USP6NL: variants seen among roughly 807,000 people sequenced by gnomAD.
USP6NL encodes USP6 N-terminal-like protein.
USP6NL carries 26 observed loss-of-function variants against 61.9 expected under a neutral mutation model. That is an observed-to-expected ratio of 0.42 (90% CI 0.31 to 0.58). The LOEUF (loss-of-function observed/expected upper bound fraction) is 0.58. USP6NL is among the 20% of genes least tolerant of loss of function. The pLI is 0.16. For synonymous variants in USP6NL, 432 were observed against 390.1 expected, an observed-to-expected ratio of 1.11 and a Z score of -1.27; for missense variants, 1,114 against 1,034.3, an observed-to-expected ratio of 1.08 and a Z score of -1.06.
rs1691612214 is a variant in USP6NL at position 11,518,295 on chromosome 10, G to C, written c.195+240C>G. On this transcript the variant is annotated intron_variant, in intron 5 of 14. Coordinates refer to ENST00000609104, the MANE Select transcript of USP6NL (RefSeq NM_014688.5). This position sits in a 1 kb window ranked among gnomAD's most constrained non-coding sequence, Gnocchi z 5.3. ...GCCTCTCTGTTCTGAAGCACGCCTA[G>C]CTCAGGACCTGCCAGTCTAGAATGA... is the stretch of plus-strand genomic sequence containing the variant. Among the ~76,000 whole-genome samples, 1 of 152,186 alleles carries C rather than the reference G, an allele frequency of 6.6e-6. No homozygotes were observed. Among genetic ancestry groups the C allele is most frequent in the Non-Finnish European group, 1.5e-5 (1 of 68,038 alleles).
chr10:11,502,044 G>A (rs1011688640), intron 6 of USP6NL, among the ~76,000 whole-genome samples: 2 of 152,076 alleles, frequency 1.3e-5, no homozygotes, highest in Non-Finnish European at 2.9e-5. Flanking sequence ...AGATCACAAG[G>A]TCAGGAGATG....
At chr10:11,584,526 T>C (rs1461124921) in intron 2 of USP6NL, among the ~76,000 whole-genome samples, 2 of 152,172 alleles carry the variant, frequency 1.3e-5, no homozygotes, top group Non-Finnish European at 2.9e-5. Flanking sequence ...TCATCTTTGG[T>C]ACTTACTATT....
rs1437185787 is a variant in USP6NL at position 11,537,332 on chromosome 10, G to A, written c.5-9765C>T. The stretch of plus-strand genomic sequence containing the variant: ...TTGCCATGTTGCCCTGGCTGGTCTC[G>A]AACTCCTGGGCTGGGGCAATCCACC... On this transcript the variant is annotated intron_variant, in intron 2 of 14. Coordinates refer to ENST00000609104, the MANE Select transcript of USP6NL (RefSeq NM_014688.5). The surrounding 1 kb of genome is among the most constrained non-coding windows in gnomAD (Gnocchi z 5.1). 5.9e-5 allele frequency among the ~76,000 whole-genome samples: 9 copies of A among 152,040 alleles called. No individual in the cohort carries two copies. The highest frequency in any genetic ancestry group is 1.3e-4 in the Admixed American group (2 of 15,264).
In USP6NL at chr10:11,462,856, A is replaced by AG. The variant is rs779577065; in HGVS notation, c.2071dup (p.Leu691ProfsTer6). 1.2e-6 allele frequency: 2 copies of AG among 1,613,964 alleles called. No homozygotes were observed. The highest frequency in any genetic ancestry group is 1.3e-5 in the African/African-American group (1 of 75,042). ...TTCTATTCGACTAGACGGCAGTACA[A>AG]GGGGGCTTGGGCGGCTGTAAGATTT... On this transcript the variant is annotated frameshift_variant, in exon 15 of 15. Coordinates refer to ENST00000609104, the MANE Select transcript of USP6NL (RefSeq NM_014688.5). LOFTEE classifies it low-confidence loss of function (END_TRUNC).
chr10:11,460,565 TA>T lies in USP6NL; in HGVS notation c.*1875del, dbSNP rs933271923. ...CAATCACATCAAAAAAGTATACAGA[TA>T]AAAAATGTCATAAATGACATAAGAA... is the stretch of plus-strand genomic sequence containing the variant. On this transcript the variant is annotated 3_prime_UTR_variant, in exon 15 of 15. Coordinates refer to ENST00000609104, the MANE Select transcript of USP6NL (RefSeq NM_014688.5). The T allele has an allele frequency of 2.5e-5, 3 of 118,030 alleles. No homozygotes were observed. The highest frequency in any genetic ancestry group is 5.2e-5 in the African/African-American group (2 of 38,568). The allele number at this position is 118,030 out of a possible 1,614,324, so 7.3% of individuals were successfully genotyped here. A position where few individuals can be genotyped will look rare whatever the true frequency, so the allele number is the denominator to read the frequency against.
chr10:11,496,606 C>T lies in USP6NL; in HGVS notation c.385-3378G>A, dbSNP rs1833937366. Among the ~76,000 whole-genome samples, 1 of 152,026 alleles carries T rather than the reference C, an allele frequency of 6.6e-6. No homozygotes were observed. Among genetic ancestry groups the T allele is most frequent in the African/African-American group, 2.4e-5 (1 of 41,372 alleles). ...AACAGATGGGAGATTAAAATTTAAC[C>T]ATGTTTAATATAAATAAGAATTTAT... On this transcript the variant is annotated intron_variant, in intron 7 of 14. Coordinates refer to ENST00000609104, the MANE Select transcript of USP6NL (RefSeq NM_014688.5). The surrounding 1 kb of genome is among the most constrained non-coding windows in gnomAD (Gnocchi z 5.4).
chr10:11,600,272 T>C lies in USP6NL; in HGVS notation c.-83-2555A>G, dbSNP rs1838475372. Among the ~76,000 whole-genome samples, 1 of 152,186 alleles carries C rather than the reference T, an allele frequency of 6.6e-6. No homozygotes were observed. Among genetic ancestry groups the C allele is most frequent in the African/African-American group, 2.4e-5 (1 of 41,436 alleles). On this transcript the variant is annotated intron_variant, in intron 1 of 14. Transcript: ENST00000609104. The surrounding 1 kb of genome is among the most constrained non-coding windows in gnomAD (Gnocchi z 4.1). Reference sequence around the variant, plus strand: ...GTGGCCATATGACTTGCTGGAATGGTTCTAACTGGAGGCTTGAGGAGCACT... The same window carrying C: ...GTGGCCATATGACTTGCTGGAATGGCTCTAACTGGAGGCTTGAGGAGCACT...
chr10:11,591,778 A>G lies in USP6NL; in HGVS notation c.4+5853T>C, dbSNP rs78725582. Among the ~76,000 whole-genome samples the G allele has an allele frequency of 4.2e-3, 633 of 152,298 alleles. 12 individuals carry two copies. In the East Asian group the frequency reaches 0.065, roughly 16 times the overall value. On this transcript the variant is annotated intron_variant, in intron 2 of 14. Transcript: ENST00000609104. The surrounding 1 kb of genome is among the most constrained non-coding windows in gnomAD (Gnocchi z 4.7). ...AAAATATCAAAAGAAAATATATAAG[A>G]AAAGAATGTAAACCACCTCCCAAAA...
rs1405748989 is a variant in USP6NL, at chr10:11,513,299, A to G, written c.196-3624T>C. Among the ~76,000 whole-genome samples the G allele has an allele frequency of 6.6e-6, 1 of 152,270 alleles. No homozygotes were observed. ...TGATCACTGTAATACAGAAGTAACC[A>G]GAAGTTAATAATATCCCGTATGTGG... On this transcript the variant is annotated intron_variant, in intron 5 of 14. Coordinates refer to ENST00000609104, the MANE Select transcript of USP6NL (RefSeq NM_014688.5). The surrounding 1 kb of genome is among the most constrained non-coding windows in gnomAD (Gnocchi z 4.7).
chr10:11,491,914 A>C lies in USP6NL; in HGVS notation c.495-1034T>G, dbSNP rs1343759624. Among the ~76,000 whole-genome samples, 1 of 152,244 alleles carries C rather than the reference A, an allele frequency of 6.6e-6. No individual in the cohort carries two copies. The highest frequency in any genetic ancestry group is 1.5e-5 in the Non-Finnish European group (1 of 68,042). On this transcript the variant is annotated intron_variant, in intron 8 of 14. Coordinates refer to ENST00000609104, the MANE Select transcript of USP6NL (RefSeq NM_014688.5). The surrounding 1 kb of genome is among the most constrained non-coding windows in gnomAD (Gnocchi z 4.7). ...ACCACCTGTGACCACATGACCAGTC[A>C]CAGAAGGGATTGCTGCAATTATTAT...
rs1832976336 is a variant in USP6NL at position 11,476,610 on chromosome 10, T to C, written c.1078+5160A>G. Among the ~76,000 whole-genome samples, 1 of 152,204 alleles carries C rather than the reference T, an allele frequency of 6.6e-6. No individual in the cohort carries two copies. The highest frequency in any genetic ancestry group is 1.5e-5 in the Non-Finnish European group (1 of 68,034). Reference sequence around the variant, plus strand: ...TTAATTTTTACATCATATTTCTCTGTATTTTTGATAGTTTTCATAAGTAAA... The same window carrying C: ...TTAATTTTTACATCATATTTCTCTGCATTTTTGATAGTTTTCATAAGTAAA... On this transcript the variant is annotated intron_variant, in intron 14 of 14. Coordinates refer to ENST00000609104, the MANE Select transcript of USP6NL (RefSeq NM_014688.5). This position sits in a 1 kb window ranked among gnomAD's most constrained non-coding sequence, Gnocchi z 4.3.
At chr10:11,568,487 T>C (rs1457469555) in intron 2 of USP6NL, among the ~76,000 whole-genome samples, 1 of 152,230 alleles carries the variant, frequency 6.6e-6, no homozygotes. Context: ...TTAGGATATA[T>C]GCTACTTCTA....
chr10:11,468,825 G>C lies in USP6NL; in HGVS notation c.1079-4976C>G, dbSNP rs1245704005. 4.6e-5 allele frequency among the ~76,000 whole-genome samples: 7 copies of C among 152,118 alleles called. No individual in the cohort carries two copies. The highest frequency in any genetic ancestry group is 4.6e-4 in the Admixed American group (7 of 15,284). ...TAAAATGTAGAATTACCAATATAAG[G>C]CATGTGTTTCTTAGGAGAAAGAAAA... On this transcript the variant is annotated intron_variant, in intron 14 of 14. Transcript: ENST00000609104. The surrounding 1 kb of genome is among the most constrained non-coding windows in gnomAD (Gnocchi z 4.5).
intron 4 of USP6NL, among the ~76,000 whole-genome samples, chr10:11,522,712 G>A (rs557600582): frequency 3.9e-5 from 6 of 152,280 alleles, no homozygotes; most frequent in East Asian, 1.9e-4. Flanking sequence ...ATCTTAGTAC[G>A]TATCTCAATA....
chr10:11,550,796 A>T (rs1037838647), intron 2 of USP6NL, among the ~76,000 whole-genome samples: 4 of 150,124 alleles, frequency 2.7e-5, no homozygotes, highest in Non-Finnish European at 3.0e-5. Flanking sequence ...AAAAAAATTA[A>T]AAAAAAAACA....
Position 11,572,027 on chromosome 10 carries a change from T to A in USP6NL, c.4+25604A>T, listed in dbSNP as rs17150571. Among the ~76,000 whole-genome samples, 64 of 151,706 alleles carry A rather than the reference T, an allele frequency of 4.2e-4. 1 individual carries two copies. The South Asian group carries it at 0.011, about 26-fold the overall frequency. On this transcript the variant is annotated intron_variant, in intron 2 of 14. Coordinates refer to ENST00000609104, the MANE Select transcript of USP6NL (RefSeq NM_014688.5). ...TGGTAGTATTTTTCATATATCCACA[T>A]GATGTTTCCTGTAATATATGAGATA...
chr10:11,559,456 T>C (rs1316617142), intron 2 of USP6NL, among the ~76,000 whole-genome samples: 1 of 152,156 alleles, frequency 6.6e-6, no homozygotes, highest in Non-Finnish European at 1.5e-5. Context: ...ACATAGGGCA[T>C]CCACGCACAC....
rs1564241834 is a variant in USP6NL, at chr10:11,596,583, C to T, written c.4+1048G>A. Among the ~76,000 whole-genome samples, 1 of 149,958 alleles carries T rather than the reference C, an allele frequency of 6.7e-6. No homozygotes were observed. The highest frequency in any genetic ancestry group is 2.5e-5 in the African/African-American group (1 of 40,504). On this transcript the variant is annotated intron_variant, in intron 2 of 14. Transcript: ENST00000609104. The surrounding 1 kb of genome is among the most constrained non-coding windows in gnomAD (Gnocchi z 4.1). Reference sequence around the variant, plus strand: ...AGCTTGCAGTGAGCGGAGATGGTGCCACTGCACTGCAGCCTGGGCGACAGA... The same window carrying T: ...AGCTTGCAGTGAGCGGAGATGGTGCTACTGCACTGCAGCCTGGGCGACAGA...
rs1261514214 is a variant in USP6NL at position 11,495,817 on chromosome 10, TG to T, written c.385-2590del. Among the ~76,000 whole-genome samples the T allele has an allele frequency of 6.6e-6, 1 of 152,248 alleles. No homozygotes were observed. The highest frequency in any genetic ancestry group is 1.5e-5 in the Non-Finnish European group (1 of 68,032). The stretch of plus-strand genomic sequence containing the variant: ...TTTCACGTTAGCTCCCTTCTTCAAA[TG>T]AACAGCAAAACTTCGTTTTCTGCTT... On this transcript the variant is annotated intron_variant, in intron 7 of 14. Coordinates refer to ENST00000609104, the MANE Select transcript of USP6NL (RefSeq NM_014688.5). This position sits in a 1 kb window ranked among gnomAD's most constrained non-coding sequence, Gnocchi z 4.6.
Sources: gnomAD v4.1 joint callset for allele counts (sites outside exome capture counted in the v4.1 genomes callset) on GRCh38, gnomAD v4.1.1 for gene constraint, Gnocchi (gnomAD v3.1) non-coding constraint, MANE v1.5 for transcripts, NCBI Gene and HGNC (gene_info 2026-07-23, HGNC 2026-07-21) for gene names.